The following CSRNP3 variants were observed in gnomAD, a reference collection of about 807,000 sequenced individuals.
The protein encoded by CSRNP3 is cysteine/serine-rich nuclear protein 3.
CSRNP3 carries 12 observed loss-of-function variants against 48.0 expected under a neutral mutation model. The ratio of observed to expected loss-of-function variants is 0.25; its 90% CI spans 0.16 to 0.41. The LOEUF is 0.41. CSRNP3 is among the 10% of genes least tolerant of loss of function. The pLI is 1.00. For missense variants in CSRNP3, 580 were observed against 724.4 expected (o/e 0.80, Z 2.29); for synonymous variants, 263 against 269.7 (o/e 0.98, Z 0.24).
intron 3 of CSRNP3, among the ~76,000 whole-genome samples, chr2:165,523,964 C>T (rs1384100402): frequency 6.6e-6 from 1 of 152,180 alleles, no homozygotes; most frequent in Admixed American, 6.5e-5. Context: ...TCAATACCTC[C>T]AACCCTATTC....
intron 4 of CSRNP3, among the ~76,000 whole-genome samples, chr2:165,631,232 A>G (rs1686529698): frequency 6.6e-6 from 1 of 152,160 alleles, no homozygotes; most frequent in Non-Finnish European, 1.5e-5. Context: ...ACTTCAGGCA[A>G]TTGACTAGGG....
At chr2:165,503,662 C>T (rs1684387230) in intron 2 of CSRNP3, among the ~76,000 whole-genome samples, 1 of 151,964 alleles carries the variant, frequency 6.6e-6, no homozygotes, top group Non-Finnish European at 1.5e-5. Context: ...ATTTAGGCAA[C>T]ACATTAGATA....
intron 4 of CSRNP3, among the ~76,000 whole-genome samples, chr2:165,625,983 G>A (rs1018757585): frequency 6.6e-6 from 1 of 151,748 alleles, no homozygotes; most frequent in African/African-American, 2.4e-5. Flanking sequence ...AGCACTTTGG[G>A]AGGCTGAGGT....
At chr2:165,547,468 C>G (rs1402208657) in intron 3 of CSRNP3, among the ~76,000 whole-genome samples, 1 of 152,060 alleles carries the variant, frequency 6.6e-6, no homozygotes, top group Non-Finnish European at 1.5e-5. Context: ...ATCTGCCAGT[C>G]TGGAGTGTGT....
At chr2:165,624,553 G>C (rs1215395133) in intron 4 of CSRNP3, among the ~76,000 whole-genome samples, 1 of 152,130 alleles carries the variant, frequency 6.6e-6, no homozygotes, top group Non-Finnish European at 1.5e-5. Flanking sequence ...CTGGCCAGCT[G>C]CTCTCATCCA....
At chr2:165,671,414 G>A (rs550181216) in intron 5 of CSRNP3, among the ~76,000 whole-genome samples, 90 of 152,314 alleles carry the variant, frequency 5.9e-4, no homozygotes, top group Non-Finnish European at 1.1e-3. Context: ...ATGGCAGAAG[G>A]TCAAAGGCAT....
chr2:165,634,181 A>G (rs1291643351), intron 4 of CSRNP3, among the ~76,000 whole-genome samples: 1 of 152,138 alleles, frequency 6.6e-6, no homozygotes, highest in East Asian at 1.9e-4. Context: ...TCTACTAAAA[A>G]TACAAAAAAT....
At chr2:165,630,358 TA>T in intron 4 of CSRNP3, among the ~76,000 whole-genome samples, 1 of 152,340 alleles carries the variant, frequency 6.6e-6, no homozygotes, top group South Asian at 2.1e-4. Flanking sequence ...TTCAAGATTT[TA>T]TTTAGTCCCT....
chr2:165,502,236 A>T (rs918050778), intron 2 of CSRNP3, among the ~76,000 whole-genome samples: 1 of 152,020 alleles, frequency 6.6e-6, no homozygotes, highest in African/African-American at 2.4e-5. Context: ...ATATATTCAC[A>T]TTTATAAAGA....
intron 5 of CSRNP3, among the ~76,000 whole-genome samples, chr2:165,672,832 T>C (rs760090304): frequency 1.3e-5 from 2 of 152,166 alleles, no homozygotes; most frequent in Non-Finnish European, 2.9e-5. Flanking sequence ...GCCTGGTTTT[T>C]AAAGAAGCAA....
chr2:165,535,327 T>C (rs1375781008), intron 3 of CSRNP3, among the ~76,000 whole-genome samples: 1 of 151,712 alleles, frequency 6.6e-6, no homozygotes, highest in Non-Finnish European at 1.5e-5. Flanking sequence ...TTTTTTTTTT[T>C]TTCTTTGACC....
chr2:165,623,165 A>T (rs1686369706), intron 4 of CSRNP3, among the ~76,000 whole-genome samples: 1 of 152,206 alleles, frequency 6.6e-6, no homozygotes, highest in African/African-American at 2.4e-5. Context: ...TAGGTATTAT[A>T]AGTAATCCAC....
At position 165,676,239 on chromosome 2, in the gene CSRNP3, T is replaced by C. The variant is rs892262684; in HGVS notation, c.409-73T>C. The C allele has an allele frequency of 3.2e-5, 35 of 1,108,204 alleles. No homozygotes were observed. The African/African-American group carries it at 5.0e-4, about 16-fold the overall frequency. The allele number at this position is 1,108,204 out of a possible 1,614,324, so 68.6% of individuals were successfully genotyped here. The stretch of plus-strand genomic sequence containing the variant: ...CATGATGATATATAATAGTTCATTC[T>C]CACCCAGTACAAACATACAGATTTT... On this transcript the variant is annotated intron_variant, in intron 5 of 6. Coordinates refer to ENST00000651982, the MANE Select transcript of CSRNP3 (RefSeq NM_001172173.2).
intron 4 of CSRNP3, among the ~76,000 whole-genome samples, chr2:165,646,407 CA>C (rs1686813009): frequency 6.6e-6 from 1 of 152,068 alleles, no homozygotes; most frequent in African/African-American, 2.4e-5. Flanking sequence ...TTAGGCTTGA[CA>C]GGGTTGAATT....
Position 165,482,512 on chromosome 2 carries a change from G to A in CSRNP3, c.-282-12247G>A, listed in dbSNP as rs139745752. On this transcript the variant is annotated intron_variant, in intron 1 of 6. Transcript: ENST00000651982. ...ACTCGTGACCTCAAGTGATCTGCCCGCCTTGGCCTCCCAAAATGCTGGGAT... is the reference window on the plus strand; with the variant it reads ...ACTCGTGACCTCAAGTGATCTGCCCACCTTGGCCTCCCAAAATGCTGGGAT... Among the ~76,000 whole-genome samples, 77 of 152,132 alleles carry A rather than the reference G, an allele frequency of 5.1e-4. No homozygotes were observed. The East Asian group carries it at 0.014, about 28-fold the overall frequency.
At chr2:165,527,199 C>CT (rs535826285) in intron 3 of CSRNP3, among the ~76,000 whole-genome samples, 16,806 of 87,292 alleles carry the variant, frequency 0.19, 2,477 homozygotes, top group Non-Finnish European at 0.25. Flanking sequence ...GCTGTTTGTA[C>CT]TTTTTTTTTT....
Position 165,616,852 on chromosome 2 carries a change from TTTTTTTG to T in CSRNP3, c.148+21654_148+21660del, listed in dbSNP as rs1315217961. On this transcript the variant is annotated intron_variant, in intron 4 of 6. Coordinates refer to ENST00000651982, the MANE Select transcript of CSRNP3 (RefSeq NM_001172173.2). The stretch of plus-strand genomic sequence containing the variant: ...CACATTTTTCCATTCTTTAAATTTG[TTTTTTTG>T]TTTTTTGTTTTTTGGTCTGACTGGG... Among the ~76,000 whole-genome samples, 12 of 152,172 alleles carry T rather than the reference TTTTTTTG, an allele frequency of 7.9e-5. No homozygotes were observed. The South Asian group carries it at 1.5e-3, about 18-fold the overall frequency.
chr2:165,477,504 A>AATATATATAT lies in CSRNP3; in HGVS notation c.-283+7771_-283+7780dup, dbSNP rs35294627. 3.8e-3 allele frequency among the ~76,000 whole-genome samples: 499 copies of AATATATATAT among 132,126 alleles called. 6 individuals are homozygous for AATATATATAT. The highest frequency in any genetic ancestry group is 0.013 in the African/African-American group (447 of 35,552). The allele number at this position is 132,126 out of a possible 152,430, so 86.7% of individuals were successfully genotyped here. A position where few individuals can be genotyped will look rare whatever the true frequency, so the allele number is the denominator to read the frequency against. Reference sequence around the variant, plus strand: ...ATGAAATATATATATATATAATACAAATATATATATATATATTAGCCAGGT... The same window carrying AATATATATAT: ...ATGAAATATATATATATATAATACAAATATATATATATATATATATATATATTAGCCAGGT... On this transcript the variant is annotated intron_variant, in intron 1 of 6. Coordinates refer to ENST00000651982, the MANE Select transcript of CSRNP3 (RefSeq NM_001172173.2).
intron 4 of CSRNP3, among the ~76,000 whole-genome samples, chr2:165,619,014 A>G (rs1385462916): frequency 6.6e-6 from 1 of 152,162 alleles, no homozygotes; most frequent in Non-Finnish European, 1.5e-5. Context: ...AGTTGATAGC[A>G]CTTTAAAGTC....
Sources: allele counts gnomAD v4.1 joint callset (sites outside exome capture counted in the v4.1 genomes callset), GRCh38; gene constraint gnomAD v4.1.1; transcripts MANE v1.5; gene names NCBI Gene and HGNC (gene_info 2026-07-23, HGNC 2026-07-21).